RABGAP1L: variants seen among roughly 807,000 people sequenced by gnomAD.
The protein encoded by RABGAP1L is RAB GTPase activating protein 1 like, also known as rab GTPase-activating protein 1-like.
RABGAP1L carries 63 observed loss-of-function variants against 137.7 expected under a neutral mutation model. The ratio of observed to expected loss-of-function variants is 0.46; its 90% CI spans 0.37 to 0.56. The LOEUF (loss-of-function observed/expected upper bound fraction) is 0.56, where lower values mean the gene tolerates loss of function less well. RABGAP1L is among the 20% of genes least tolerant of loss of function. The pLI is 0.00. For missense variants in RABGAP1L, 1,095 were observed against 1,244.0 expected (o/e 0.88, Z 1.80); for synonymous variants, 431 against 433.7 (o/e 0.99, Z 0.08).
intron 13 of RABGAP1L, among the ~76,000 whole-genome samples, chr1:174,436,029 C>T (rs1035786764): frequency 6.6e-6 from 1 of 152,026 alleles, no homozygotes; most frequent in Non-Finnish European, 1.5e-5. Flanking sequence ...TGTATATGTG[C>T]CACATTTTCT....
At chr1:174,318,582 TTC>T (rs1258823409) in intron 11 of RABGAP1L, among the ~76,000 whole-genome samples, 2 of 96,046 alleles carry the variant, frequency 2.1e-5, no homozygotes, top group Non-Finnish European at 4.2e-5. Flanking sequence ...GGTGATTGTT[TTC>T]TTTCTTTCTT....
At chr1:174,585,390 A>G (rs1364278975) in intron 13 of RABGAP1L, among the ~76,000 whole-genome samples, 1 of 152,164 alleles carries the variant, frequency 6.6e-6, no homozygotes, top group Non-Finnish European at 1.5e-5. Flanking sequence ...AGCTTGAAAG[A>G]GTATATAGTG....
chr1:174,177,109 C>T (rs749542177), intron 1 of RABGAP1L, among the ~76,000 whole-genome samples: 16 of 152,144 alleles, frequency 1.1e-4, no homozygotes, highest in East Asian at 7.7e-4. Context: ...CAGTGTAAAA[C>T]GTTCCTGTTT....
At chr1:174,882,357 G>A (rs964207151) in intron 19 of RABGAP1L, among the ~76,000 whole-genome samples, 4 of 152,120 alleles carry the variant, frequency 2.6e-5, no homozygotes, top group African/African-American at 7.2e-5. Context: ...TGTGGATACT[G>A]CATTTTTTTC....
chr1:174,231,664 A>AGGGAGGCCTCAGGAG (rs1426957067), intron 4 of RABGAP1L, among the ~76,000 whole-genome samples: 97 of 152,148 alleles, frequency 6.4e-4, no homozygotes, highest in Non-Finnish European at 1.3e-3. Context: ...AGCTTCTGGG[A>AGGGAGGCCTCAGGAG]GGGAGGCCTC....
rs547081824 is a variant in RABGAP1L, at chr1:174,993,385, G to A, written c.*3384G>A. ...TGTATGGATGTGGGGATATTTAATA[G>A]TATGTATCTTGTTTCATTTTTTTCC... is the stretch of plus-strand genomic sequence containing the variant. On this transcript the variant is annotated 3_prime_UTR_variant, in exon 26 of 26. Transcript: ENST00000681986. The A allele has an allele frequency of 8.6e-5, 13 of 151,564 alleles. No individual in the cohort carries two copies. The highest frequency in any genetic ancestry group is 3.4e-3 in the Middle Eastern group (1 of 294). The allele number at this position is 151,564 out of a possible 1,614,324, so 9.4% of individuals were successfully genotyped here. A position where few individuals can be genotyped will look rare whatever the true frequency, so the allele number is the denominator to read the frequency against.
At chr1:174,668,676 G>A (rs1019061001) in intron 14 of RABGAP1L, among the ~76,000 whole-genome samples, 2 of 152,070 alleles carry the variant, frequency 1.3e-5, no homozygotes, top group African/African-American at 4.8e-5. Context: ...AATTTTTTGA[G>A]GAACATTCAT....
At chr1:174,571,335 A>T (rs1266087519) in intron 13 of RABGAP1L, among the ~76,000 whole-genome samples, 1 of 152,126 alleles carries the variant, frequency 6.6e-6, no homozygotes, top group African/African-American at 2.4e-5. Context: ...AATTAGAAAG[A>T]ATGAGTAAGA....
chr1:174,186,131 C>T (rs1055028264), intron 1 of RABGAP1L, among the ~76,000 whole-genome samples: 5 of 141,384 alleles, frequency 3.5e-5, no homozygotes, highest in African/African-American at 5.3e-5. Flanking sequence ...GCAACAAGAG[C>T]GAAATTCCAT....
intron 18 of RABGAP1L, among the ~76,000 whole-genome samples, chr1:174,805,077 A>T (rs547775222): frequency 6.6e-6 from 1 of 152,308 alleles, no homozygotes; most frequent in East Asian, 1.9e-4. Flanking sequence ...TAAGTCCTAA[A>T]TACACTCCAT....
At chr1:174,275,996 G>A in intron 9 of RABGAP1L, 61 bp downstream of exon 9, 1 of 1,379,764 alleles carries the variant, frequency 7.2e-7, no homozygotes, top group Non-Finnish European at 1.0e-6. Flanking sequence ...GAACAATGTT[G>A]CTTGTCATGT....
At chr1:174,911,362 C>T (rs940866441) in intron 19 of RABGAP1L, among the ~76,000 whole-genome samples, 2 of 152,096 alleles carry the variant, frequency 1.3e-5, no homozygotes, top group African/African-American at 2.4e-5. Flanking sequence ...GCTTTGTTGA[C>T]ACTTACAGAA....
At chr1:174,684,177 A>C (rs1678292631) in intron 15 of RABGAP1L, among the ~76,000 whole-genome samples, 1 of 152,234 alleles carries the variant, frequency 6.6e-6, no homozygotes, top group African/African-American at 2.4e-5. Flanking sequence ...AAAATAATAC[A>C]TACTCATTAA....
At chr1:174,864,302 T>C (rs1156650774) in intron 19 of RABGAP1L, among the ~76,000 whole-genome samples, 1 of 152,240 alleles carries the variant, frequency 6.6e-6, no homozygotes, top group Non-Finnish European at 1.5e-5. Context: ...CTATGACATA[T>C]AAAGCTGTAT....
chr1:174,648,131 T>C (rs1572672439), intron 14 of RABGAP1L, among the ~76,000 whole-genome samples: 1 of 152,158 alleles, frequency 6.6e-6, no homozygotes, highest in African/African-American at 2.4e-5. Context: ...TCTATCTATT[T>C]TGTAAATCTT....
At chr1:174,461,375 G>T (rs1656675842) in intron 13 of RABGAP1L, among the ~76,000 whole-genome samples, 1 of 152,264 alleles carries the variant, frequency 6.6e-6, no homozygotes, top group South Asian at 2.1e-4. Context: ...CATAGTGGTA[G>T]AGCTGTGGTA....
rs138694395 is a variant in RABGAP1L at position 174,629,430 on chromosome 1, A to T, written c.1711-7945A>T. Among the ~76,000 whole-genome samples the T allele has an allele frequency of 7.3e-4, 111 of 152,362 alleles. No individual in the cohort carries two copies. In the East Asian group the frequency reaches 0.021, roughly 29 times the overall value. On this transcript the variant is annotated intron_variant, in intron 13 of 25. Coordinates refer to ENST00000681986, the MANE Select transcript of RABGAP1L (RefSeq NM_001366446.1). ...TATTTAGTCTATAAAGTGAAGTTCT[A>T]GAAATTATTCCCTTAGCCAAATGAG...
intron 18 of RABGAP1L, among the ~76,000 whole-genome samples, chr1:174,776,749 A>T (rs1187004354): frequency 6.6e-6 from 1 of 152,176 alleles, no homozygotes; most frequent in African/African-American, 2.4e-5. Flanking sequence ...CACAAACTGG[A>T]GTCAGAAGGC....
At chr1:174,308,295 G>A (rs1678494085) in intron 11 of RABGAP1L, among the ~76,000 whole-genome samples, 2 of 151,884 alleles carry the variant, frequency 1.3e-5, no homozygotes, top group African/African-American at 4.8e-5. Context: ...TATGAGATGT[G>A]TGATTTGCGA....
Sources: gnomAD v4.1 joint callset for allele counts (sites outside exome capture counted in the v4.1 genomes callset) on GRCh38, gnomAD v4.1.1 for gene constraint, MANE v1.5 for transcripts, NCBI Gene and HGNC (gene_info 2026-07-23, HGNC 2026-07-21) for gene names.